Variants in SLC44A1 observed in about 807,000 individuals in gnomAD.
The protein encoded by SLC44A1 is choline transporter-like protein 1.
Under a neutral mutation model 79.3 loss-of-function variants are expected in SLC44A1, and 26 were observed. That is an observed-to-expected ratio of 0.33 (90% CI 0.24 to 0.46). SLC44A1 has a LOEUF of 0.46. SLC44A1 is among the 20% of genes least tolerant of loss of function. The pLI, the probability that SLC44A1 is intolerant of heterozygous loss-of-function variation, is 1.00. For missense variants in SLC44A1, 688 were observed against 798.1 expected (o/e 0.86, Z 1.66); for synonymous variants, 263 against 286.2 (o/e 0.92, Z 0.82).
intron 15 of SLC44A1, among the ~76,000 whole-genome samples, chr9:105,434,460 A>G (rs1829438173): frequency 6.6e-6 from 1 of 152,216 alleles, no homozygotes; most frequent in Non-Finnish European, 1.5e-5. Context: ...TTTGAGGAAG[A>G]CTCTTAGAAA....
rs184001909 is a variant in SLC44A1 at position 105,365,380 on chromosome 9, G to A, written c.1254-103G>A. On this transcript the variant is annotated intron_variant, in intron 10 of 15. Transcript: ENST00000374720. Reference sequence around the variant, plus strand: ...GTCATAAAGCTAAAATAAGAATGATGAGCTGATTTTTTTTTTCACTGCGTT... The same window carrying A: ...GTCATAAAGCTAAAATAAGAATGATAAGCTGATTTTTTTTTTCACTGCGTT... 1,470 of 788,306 alleles carry A rather than the reference G, an allele frequency of 1.9e-3. 12 individuals are homozygous for A. The highest frequency in any genetic ancestry group is 0.013 in the South Asian group (726 of 54,254). The allele number at this position is 788,306 out of a possible 1,614,324, so 48.8% of individuals were successfully genotyped here. A position where few individuals can be genotyped will look rare whatever the true frequency, so the allele number is the denominator to read the frequency against.
intron 4 of SLC44A1, among the ~76,000 whole-genome samples, chr9:105,337,405 G>A (rs1826956940): frequency 6.6e-6 from 1 of 152,136 alleles, no homozygotes; most frequent in Admixed American, 6.6e-5. Context: ...CATGAACAAT[G>A]CTTAGAACAG....
At chr9:105,343,073 A>G (rs969576565) in intron 4 of SLC44A1, among the ~76,000 whole-genome samples, 5 of 151,978 alleles carry the variant, frequency 3.3e-5, no homozygotes, top group Non-Finnish European at 4.4e-5. Flanking sequence ...AATAGTTCAC[A>G]TGGAATTTTT....
intron 15 of SLC44A1, among the ~76,000 whole-genome samples, chr9:105,408,007 A>T (rs1829049847): frequency 6.6e-6 from 1 of 152,098 alleles, no homozygotes; most frequent in Non-Finnish European, 1.5e-5. Flanking sequence ...TCTATACTAA[A>T]GATACAAAAA....
At chr9:105,376,309 A>C (rs2131446996) in intron 13 of SLC44A1, among the ~76,000 whole-genome samples, 1 of 101,214 alleles carries the variant, frequency 9.9e-6, no homozygotes, top group East Asian at 3.2e-4. Flanking sequence ...AAGTATATAT[A>C]TGTATACACA....
intron 14 of SLC44A1, among the ~76,000 whole-genome samples, chr9:105,385,027 G>A (rs1037289155): frequency 1.3e-5 from 2 of 152,138 alleles, no homozygotes; most frequent in Non-Finnish European, 2.9e-5. Context: ...AAAAGTGGAG[G>A]CTTATGGAGT....
chr9:105,328,328 AG>A (rs1219571672), intron 3 of SLC44A1, among the ~76,000 whole-genome samples: 2 of 152,182 alleles, frequency 1.3e-5, no homozygotes, highest in East Asian at 3.9e-4. Flanking sequence ...GGCACATCAG[AG>A]TGGAAAGTTG....
At chr9:105,250,929 C>T (rs555459638) in intron 1 of SLC44A1, among the ~76,000 whole-genome samples, 1 of 152,208 alleles carries the variant, frequency 6.6e-6, no homozygotes, top group East Asian at 1.9e-4. Context: ...CATAATAGTA[C>T]ACCCAGAGTA....
chr9:105,381,920 T>C (rs553423765), intron 13 of SLC44A1, among the ~76,000 whole-genome samples: 35 of 152,348 alleles, frequency 2.3e-4, no homozygotes, highest in African/African-American at 7.9e-4. Context: ...CTATTATTCT[T>C]AATGCTAGAC....
At chr9:105,251,757 G>A (rs1011531486) in intron 1 of SLC44A1, among the ~76,000 whole-genome samples, 1 of 152,150 alleles carries the variant, frequency 6.6e-6, no homozygotes, top group Non-Finnish European at 1.5e-5. Flanking sequence ...CCTGGCTTTT[G>A]GCTGGTTGCT....
chr9:105,352,484 A>C (rs980587654), intron 5 of SLC44A1, among the ~76,000 whole-genome samples: 17 of 152,184 alleles, frequency 1.1e-4, no homozygotes, highest in Non-Finnish European at 1.0e-4. Context: ...ACTAATTAAA[A>C]ATTTTTAAAA....
chr9:105,418,555 TG>T (rs1444361603), intron 15 of SLC44A1, among the ~76,000 whole-genome samples: 1 of 152,178 alleles, frequency 6.6e-6, no homozygotes, highest in African/African-American at 2.4e-5. Context: ...TGAGCTGTTT[TG>T]GGTATGGAGT....
chr9:105,320,700 C>A (rs1324829618), intron 3 of SLC44A1, among the ~76,000 whole-genome samples: 1 of 152,148 alleles, frequency 6.6e-6, no homozygotes, highest in Non-Finnish European at 1.5e-5. Context: ...GACCCTGAGG[C>A]TCCCATATAG....
chr9:105,423,309 C>CA (rs1174567035), intron 15 of SLC44A1, among the ~76,000 whole-genome samples: 5 of 151,968 alleles, frequency 3.3e-5, no homozygotes, highest in African/African-American at 1.2e-4. Context: ...ACTAAAAATA[C>CA]AAAAATTAGG....
rs34772081 is a variant in SLC44A1, at chr9:105,272,552, G to GA, written c.37-26656dup. On this transcript the variant is annotated intron_variant, in intron 1 of 15. Transcript: ENST00000374720. The stretch of plus-strand genomic sequence containing the variant: ...TATATACCTTTGAGAAAGGCTGAGA[G>GA]AAAAAAAAAAAAGCCGTATGTATTA... Among the ~76,000 whole-genome samples, 157 of 134,794 alleles carry GA rather than the reference G, an allele frequency of 1.2e-3. 2 individuals carry two copies. Among genetic ancestry groups the GA allele is most frequent in the East Asian group, 5.1e-3 (24 of 4,716 alleles). 88.4% of individuals were successfully genotyped at this position (134,794 alleles called of 152,430 possible).
At chr9:105,400,786 A>G (rs1198544066), downstream of SLC44A1, among the ~76,000 whole-genome samples, 5 of 152,250 alleles carry the variant, frequency 3.3e-5, no homozygotes, top group Admixed American at 6.5e-5. Flanking sequence ...TCACCTACAC[A>G]TAACTTGAGA....
At chr9:105,316,452 A>C (rs1276550144) in intron 3 of SLC44A1, among the ~76,000 whole-genome samples, 5 of 152,250 alleles carry the variant, frequency 3.3e-5, no homozygotes, top group Non-Finnish European at 7.3e-5. Flanking sequence ...ATACATGTAC[A>C]TAGAAAAGTA....
At chr9:105,286,464 A>G (rs1830480426) in intron 1 of SLC44A1, among the ~76,000 whole-genome samples, 1 of 152,270 alleles carries the variant, frequency 6.6e-6, no homozygotes, top group Non-Finnish European at 1.5e-5. Flanking sequence ...CACATGGAAT[A>G]TGCTCAATAA....
chr9:105,332,215 G>A (rs1054739276), intron 3 of SLC44A1, among the ~76,000 whole-genome samples: 1 of 151,236 alleles, frequency 6.6e-6, no homozygotes, highest in African/African-American at 2.4e-5. Context: ...CGCCTCCTGG[G>A]TTCAAGCGAT....
Sources: gnomAD v4.1 joint callset for allele counts (sites outside exome capture counted in the v4.1 genomes callset) on GRCh38, gnomAD v4.1.1 for gene constraint, MANE v1.5 for transcripts, NCBI Gene and HGNC (gene_info 2026-07-23, HGNC 2026-07-21) for gene names.